CCDC170: variants seen among roughly 807,000 people sequenced by gnomAD.
The protein encoded by CCDC170 is coiled-coil domain-containing protein 170.
A neutral mutation model predicts 72.6 loss-of-function variants in CCDC170; 69 were observed. The ratio of observed to expected loss-of-function variants is 0.95; its 90% CI spans 0.78 to 1.16. CCDC170 has a LOEUF of 1.16. CCDC170 is among the 50% of genes most tolerant of loss of function. The pLI is 0.00. For synonymous variants in CCDC170, 300 were observed against 303.9 expected (o/e 0.99, Z 0.13); for missense variants, 852 against 832.5 (o/e 1.02, Z -0.29).
At chr6:151,560,432 T>A (rs1334301439) in intron 5 of CCDC170, among the ~76,000 whole-genome samples, 1 of 152,208 alleles carries the variant, frequency 6.6e-6, no homozygotes, top group Non-Finnish European at 1.5e-5. Context: ...AAAATGTACA[T>A]TCTGTGGTTG....
At chr6:151,534,060 A>C (rs536863534) in intron 1 of CCDC170, among the ~76,000 whole-genome samples, 1 of 138,954 alleles carries the variant, frequency 7.2e-6, no homozygotes, top group East Asian at 2.0e-4. Flanking sequence ...TCATTCATTC[A>C]TTCATTCCTT....
intron 6 of CCDC170, among the ~76,000 whole-genome samples, chr6:151,574,169 C>T (rs1776269284): frequency 1.3e-5 from 2 of 152,318 alleles, no homozygotes; most frequent in South Asian, 2.1e-4. Flanking sequence ...GCTATGATTG[C>T]GTCTCTGCTC....
At position 151,610,162 on chromosome 6, in the gene CCDC170, T is replaced by C. The variant is rs1029731168; in HGVS notation, c.1711-5281T>C. Among the ~76,000 whole-genome samples, 7 of 152,348 alleles carry C rather than the reference T, an allele frequency of 4.6e-5. No individual in the cohort carries two copies. In the South Asian group the frequency reaches 8.3e-4, roughly 18 times the overall value. Reference sequence around the variant, plus strand: ...GTTTTAAAGGGAGATCACTTTGTTTTAAACATTGATATTTACTTAATCAAT... The same window carrying C: ...GTTTTAAAGGGAGATCACTTTGTTTCAAACATTGATATTTACTTAATCAAT... On this transcript the variant is annotated intron_variant, in intron 9 of 10. Coordinates refer to ENST00000239374, the MANE Select transcript of CCDC170 (RefSeq NM_025059.4).
intron 3 of CCDC170, among the ~76,000 whole-genome samples, chr6:151,540,372 G>GTTTTTT (rs1782668488): frequency 5.4e-5 from 2 of 36,926 alleles, no homozygotes; most frequent in African/African-American, 1.3e-4. Context: ...TTCTGCTGCT[G>GTTTTTT]CTTTTTTTTT....
At chr6:151,566,754 T>C (rs1274253850) in intron 5 of CCDC170, among the ~76,000 whole-genome samples, 1 of 152,164 alleles carries the variant, frequency 6.6e-6, no homozygotes, top group Non-Finnish European at 1.5e-5. Flanking sequence ...TCATAAGTTT[T>C]ATTATGACTA....
chr6:151,540,206 T>G (rs994949608), intron 3 of CCDC170, among the ~76,000 whole-genome samples: 1 of 151,918 alleles, frequency 6.6e-6, no homozygotes, highest in African/African-American at 2.4e-5. Context: ...AAGATCAAGA[T>G]GTTGGCCTAT....
intron 10 of CCDC170, among the ~76,000 whole-genome samples, chr6:151,617,087 G>A (rs920837825): frequency 1.3e-5 from 2 of 152,176 alleles, no homozygotes; most frequent in African/African-American, 2.4e-5. Context: ...GCATTCTCTT[G>A]GATGTAACTG....
intron 7 of CCDC170, among the ~76,000 whole-genome samples, chr6:151,589,686 T>C (rs1776505237): frequency 6.6e-6 from 1 of 152,216 alleles, no homozygotes. Flanking sequence ...ATTTACTCTC[T>C]TCATTGCTGC....
At chr6:151,606,659 T>C (rs540285226) in intron 9 of CCDC170, among the ~76,000 whole-genome samples, 1 of 152,338 alleles carries the variant, frequency 6.6e-6, no homozygotes, top group South Asian at 2.1e-4. Flanking sequence ...ATAGTTTATG[T>C]CCAAGAATTC....
intron 9 of CCDC170, among the ~76,000 whole-genome samples, chr6:151,597,423 T>C (rs1352147642): frequency 6.6e-6 from 1 of 152,186 alleles, no homozygotes; most frequent in African/African-American, 2.4e-5. Context: ...CCACTGCGCC[T>C]GGCCAAAAAG....
chr6:151,513,487 G>T (rs1306952760), intron 1 of CCDC170, among the ~76,000 whole-genome samples: 1 of 151,846 alleles, frequency 6.6e-6, no homozygotes, highest in Non-Finnish European at 1.5e-5. Flanking sequence ...GTGCACACCT[G>T]TAGTTACAGC....
intron 1 of CCDC170, among the ~76,000 whole-genome samples, chr6:151,535,359 G>C (rs1425582932): frequency 1.3e-5 from 2 of 152,084 alleles, no homozygotes; most frequent in Non-Finnish European, 2.9e-5. Flanking sequence ...GATGGGCAGG[G>C]GCTGTCCATG....
intron 1 of CCDC170, 152 bp from the exon 2 acceptor site, chr6:151,536,166 A>G (rs1782574739): frequency 2.4e-6 from 2 of 829,970 alleles, no homozygotes; most frequent in African/African-American, 3.4e-5. Flanking sequence ...TGAGAACCAA[A>G]TGGTCTGAAC....
intron 1 of CCDC170, 97 bp from the exon 2 acceptor site, chr6:151,536,221 A>C: frequency 7.2e-7 from 1 of 1,393,660 alleles, no homozygotes; most frequent in South Asian, 1.2e-5. Flanking sequence ...TGGAATACAA[A>C]GAATGCTTCT....
At chr6:151,577,548 C>G (rs1776319654) in intron 6 of CCDC170, among the ~76,000 whole-genome samples, 1 of 152,148 alleles carries the variant, frequency 6.6e-6, no homozygotes, top group Non-Finnish European at 1.5e-5. Context: ...GACATTTTTC[C>G]TGTTCTGCTT....
chr6:151,506,537 T>C (rs1782069253), intron 1 of CCDC170, among the ~76,000 whole-genome samples: 1 of 152,228 alleles, frequency 6.6e-6, no homozygotes, highest in Admixed American at 6.5e-5. Flanking sequence ...CGATAGAGTT[T>C]CATTTCACAT....
At chr6:151,567,646 G>A (rs1445972584) in intron 5 of CCDC170, among the ~76,000 whole-genome samples, 1 of 152,184 alleles carries the variant, frequency 6.6e-6, no homozygotes, top group Admixed American at 6.5e-5. Context: ...TTTGAGGAAA[G>A]AAATGGGTTC....
rs765648569 is a variant in CCDC170, at chr6:151,548,309, A to C, written c.594A>C (p.Arg198Ser). Residue 198 changes from arginine to serine, a missense_variant, in exon 5 of 11, where the codon AGA (arginine) becomes AGC (serine). Transcript: ENST00000239374. ...ASDEDLILKL[R>S]DLRKENEFVK... ...TGTAATTGCTTTCTCTTCAGCTTAGAGACCTGCGCAAAGAAAATGAATTCG... is the reference window on the plus strand; with the variant it reads ...TGTAATTGCTTTCTCTTCAGCTTAGCGACCTGCGCAAAGAAAATGAATTCG... 1 of 1,571,212 alleles carries C rather than the reference A, an allele frequency of 6.4e-7. No individual in the cohort carries two copies. The highest frequency in any genetic ancestry group is 2.2e-5 in the East Asian group (1 of 44,504).
At chr6:151,530,728 C>A (rs1484450781) in intron 1 of CCDC170, among the ~76,000 whole-genome samples, 1 of 152,082 alleles carries the variant, frequency 6.6e-6, no homozygotes, top group Non-Finnish European at 1.5e-5. Flanking sequence ...AGCCACTGCA[C>A]CTGGCCAATA....
Sources: allele counts gnomAD v4.1 joint callset (sites outside exome capture counted in the v4.1 genomes callset), GRCh38; gene constraint gnomAD v4.1.1; transcripts MANE v1.5; gene names NCBI Gene and HGNC (gene_info 2026-07-23, HGNC 2026-07-21).